Variants in UBXN7 observed in about 807,000 individuals in gnomAD.
UBXN7 encodes the protein UBX domain protein 7.
Under a neutral mutation model 58.0 loss-of-function variants are expected in UBXN7, and 9 were observed. The ratio of observed to expected loss-of-function variants is 0.16; its 90% confidence interval spans 0.09 to 0.27. The LOEUF (loss-of-function observed/expected upper bound fraction) is 0.27, where lower values mean the gene tolerates loss of function less well. Ranked by LOEUF, UBXN7 falls within the 10% of genes least tolerant of loss-of-function variation. The pLI is 1.00. For synonymous variants in UBXN7, 208 were observed against 205.0 expected (o/e 1.01, Z -0.12); for missense variants, 328 against 599.6 (o/e 0.55, Z 4.73).
chr3:196,363,483 C>T (rs908815589), intron 8 of UBXN7, among the ~76,000 whole-genome samples: 2 of 151,944 alleles, frequency 1.3e-5, no homozygotes, highest in African/African-American at 2.4e-5. Context: ...GGTGAAACCC[C>T]GCCTCTACTA....
chr3:196,358,936 C>T (rs1412713602), intron 10 of UBXN7, among the ~76,000 whole-genome samples: 1 of 151,672 alleles, frequency 6.6e-6, no homozygotes, highest in African/African-American at 2.4e-5. Context: ...GCTGGGATTA[C>T]AGGAGTGAGC....
At chr3:196,406,727 A>G (rs562097614) in intron 2 of UBXN7, among the ~76,000 whole-genome samples, 1 of 152,296 alleles carries the variant, frequency 6.6e-6, no homozygotes, top group East Asian at 1.9e-4. Context: ...TACAGGCATG[A>G]GCCACCGCGC....
At chr3:196,404,242 A>G (rs1183833014) in intron 2 of UBXN7, among the ~76,000 whole-genome samples, 1 of 150,704 alleles carries the variant, frequency 6.6e-6, no homozygotes, top group Non-Finnish European at 1.5e-5. Context: ...TTCCATATAA[A>G]TTTATGTTAG....
chr3:196,379,923 G>A (rs1433244808), intron 5 of UBXN7, among the ~76,000 whole-genome samples: 2 of 152,120 alleles, frequency 1.3e-5, no homozygotes, highest in South Asian at 2.1e-4. Context: ...TCTAGTGCAG[G>A]AAAGAATTCA....
chr3:196,377,335 A>G (rs1366796676), intron 5 of UBXN7, among the ~76,000 whole-genome samples: 1 of 152,258 alleles, frequency 6.6e-6, no homozygotes, highest in African/African-American at 2.4e-5. Flanking sequence ...CAACATCAGT[A>G]TGCTCACACT....
At chr3:196,429,534 A>G (rs1730957846) in intron 1 of UBXN7, among the ~76,000 whole-genome samples, 1 of 151,780 alleles carries the variant, frequency 6.6e-6, no homozygotes, top group Non-Finnish European at 1.5e-5. Flanking sequence ...CACATTTTTG[A>G]TGATGCATTT....
Position 196,351,099 on chromosome 3 carries a change from G to A in UBXN7, c.*5586C>T, listed in dbSNP as rs138256887. On this transcript the variant is annotated 3_prime_UTR_variant, in exon 11 of 11. Transcript: ENST00000296328. ...TGATGGTCAAAAAAGGCAGAGAGAC[G>A]GTAAGAATGACATAATAAAGATACA... 3.9e-5 allele frequency: 6 copies of A among 152,246 alleles called. No homozygotes were observed. The highest frequency in any genetic ancestry group is 1.9e-4 in the East Asian group (1 of 5,184). 9.4% of individuals were successfully genotyped at this position (152,246 alleles called of 1,614,324 possible).
At chr3:196,417,059 A>G (rs1404640701) in intron 1 of UBXN7, among the ~76,000 whole-genome samples, 2 of 152,224 alleles carry the variant, frequency 1.3e-5, no homozygotes, top group African/African-American at 4.8e-5. Flanking sequence ...CACGCCTGTA[A>G]TCCCAGAACT....
At chr3:196,422,230 G>C (rs892423568) in intron 1 of UBXN7, among the ~76,000 whole-genome samples, 20 of 152,022 alleles carry the variant, frequency 1.3e-4, no homozygotes, top group African/African-American at 4.3e-4. Context: ...CCCAGGCGTG[G>C]AGGCTCACAC....
intron 5 of UBXN7, among the ~76,000 whole-genome samples, chr3:196,372,731 T>C (rs1346690273): frequency 2.0e-5 from 3 of 151,774 alleles, no homozygotes; most frequent in Non-Finnish European, 4.4e-5. Flanking sequence ...TTTTATTCTC[T>C]TGCAACCTCC....
At chr3:196,371,269 T>C (rs150109629) in intron 6 of UBXN7, among the ~76,000 whole-genome samples, 160 of 152,342 alleles carry the variant, frequency 1.1e-3, no homozygotes, top group African/African-American at 3.4e-3. Context: ...GGGGTGTAAG[T>C]ATAAAATACA....
At chr3:196,372,637 C>T (rs1196106165) in intron 5 of UBXN7, among the ~76,000 whole-genome samples, 4 of 151,790 alleles carry the variant, frequency 2.6e-5, no homozygotes, top group Non-Finnish European at 4.4e-5. Context: ...TCATCATGAC[C>T]GGTAATGGCT....
intron 9 of UBXN7, 128 bp downstream of exon 9, chr3:196,362,166 G>A: frequency 9.2e-6 from 12 of 1,302,438 alleles, no homozygotes; most frequent in Admixed American, 2.4e-5. Context: ...GCTAAGTTTT[G>A]TATTTTTAGT....
chr3:196,404,732 A>C (rs1417704480), intron 2 of UBXN7, among the ~76,000 whole-genome samples: 1 of 152,234 alleles, frequency 6.6e-6, no homozygotes, highest in Non-Finnish European at 1.5e-5. Flanking sequence ...CCAATAAACC[A>C]AGTGACAAAA....
intron 1 of UBXN7, among the ~76,000 whole-genome samples, chr3:196,413,396 T>C (rs750716648): frequency 1.4e-4 from 21 of 152,278 alleles, no homozygotes; most frequent in Middle Eastern, 3.4e-3. Flanking sequence ...ATTTAAAAAA[T>C]TGAAAAAACA....
At chr3:196,383,898 G>A (rs899555846) in intron 5 of UBXN7, among the ~76,000 whole-genome samples, 30 of 152,182 alleles carry the variant, frequency 2.0e-4, no homozygotes, top group South Asian at 4.1e-4. Flanking sequence ...AACTAGAGAA[G>A]CAAGAGCAAA....
chr3:196,388,487 C>G (rs201103522), intron 5 of UBXN7, among the ~76,000 whole-genome samples: 1 of 148,860 alleles, frequency 6.7e-6, no homozygotes, highest in Non-Finnish European at 1.5e-5. Flanking sequence ...TTTTTTTTTC[C>G]AGTCTCTCTC....
Position 196,362,699 on chromosome 3 carries a change from A to C in UBXN7, c.835-12T>G. On this transcript the variant is annotated splice_polypyrimidine_tract_variant and intron_variant, in intron 8 of 10. Transcript: ENST00000296328. ...TCTATAAGGCTCTCCTGTGAGATGG[A>C]GTCATAAAACACAGGAAAAAGAACA... The C allele has an allele frequency of 1.9e-6, 3 of 1,590,338 alleles. No individual in the cohort carries two copies. Among genetic ancestry groups the C allele is most frequent in the Non-Finnish European group, 2.6e-6 (3 of 1,165,190 alleles).
intron 3 of UBXN7, among the ~76,000 whole-genome samples, chr3:196,401,294 T>TACACAC (rs1425529093): frequency 2.5e-5 from 2 of 80,604 alleles, no homozygotes; most frequent in Non-Finnish European, 2.2e-5. Context: ...TATATATATA[T>TACACAC]ATATACACAC....
Sources: allele counts gnomAD v4.1 joint callset (sites outside exome capture counted in the v4.1 genomes callset), GRCh38; gene constraint gnomAD v4.1.1; transcripts MANE v1.5; gene names NCBI Gene and HGNC (gene_info 2026-07-23, HGNC 2026-07-21).